RARB: variants seen among roughly 807,000 people sequenced by gnomAD.
RARB encodes the protein HBV-activated protein.
Under a neutral mutation model 51.9 loss-of-function variants are expected in RARB, and 17 were observed. The observed-to-expected ratio is 0.33, with a 90% CI of 0.22 to 0.49. The LOEUF is 0.49. Among genes scored for constraint, RARB ranks in the 20% least tolerant of loss-of-function variants. RARB has a pLI of 0.99. For missense variants in RARB, 369 were observed against 550.8 expected (o/e 0.67, Z 3.30); for synonymous variants, 215 against 195.4 (o/e 1.10, Z -0.84).
chr3:24,935,198 A>G (rs1432138407), intron 2 of RARB, among the ~76,000 whole-genome samples: 1 of 152,184 alleles, frequency 6.6e-6, no homozygotes, highest in Non-Finnish European at 1.5e-5. Flanking sequence ...TTTTAAACAG[A>G]AGTCAAATTG....
chr3:24,955,440 G>A (rs1695992803), intron 2 of RARB, among the ~76,000 whole-genome samples: 3 of 152,124 alleles, frequency 2.0e-5, no homozygotes, highest in South Asian at 4.1e-4. Context: ...ATTTAGGGCT[G>A]TGGTTTCCAG....
At chr3:25,402,834 A>T (rs913155996) in intron 5 of RARB, among the ~76,000 whole-genome samples, 2 of 152,152 alleles carry the variant, frequency 1.3e-5, no homozygotes, top group Non-Finnish European at 2.9e-5. Flanking sequence ...GGGGTGGGGC[A>T]TGAGGATGGT....
At chr3:25,072,236 CTT>C (rs1213453419) in intron 3 of RARB, among the ~76,000 whole-genome samples, 1 of 152,184 alleles carries the variant, frequency 6.6e-6, no homozygotes, top group African/African-American at 2.4e-5. Context: ...CAATTTGAAT[CTT>C]AAAACTGGGC....
chr3:25,469,356 A>G (rs1695587086), intron 2 of RARB, among the ~76,000 whole-genome samples: 1 of 152,236 alleles, frequency 6.6e-6, no homozygotes, highest in African/African-American at 2.4e-5. Context: ...AAACATGAAC[A>G]TGATGCTGTC....
At chr3:25,323,748 A>G (rs894477319) in intron 5 of RARB, among the ~76,000 whole-genome samples, 1 of 152,186 alleles carries the variant, frequency 6.6e-6, no homozygotes, top group African/African-American at 2.4e-5. Context: ...AGAGCTGGAG[A>G]AAAAACATAA....
chr3:25,552,531 C>T (rs1458092949), intron 3 of RARB, among the ~76,000 whole-genome samples: 1 of 152,036 alleles, frequency 6.6e-6, no homozygotes, highest in Admixed American at 6.6e-5. Flanking sequence ...GCCTGCATTC[C>T]AGATATTTCC....
intron 5 of RARB, among the ~76,000 whole-genome samples, chr3:25,421,604 T>G (rs1244965239): frequency 6.6e-6 from 1 of 151,638 alleles, no homozygotes; most frequent in Admixed American, 6.6e-5. Context: ...TAGTAGAGAC[T>G]GGGTTTCACT....
intron 5 of RARB, among the ~76,000 whole-genome samples, chr3:25,359,720 A>G (rs767622263): frequency 2.0e-5 from 3 of 152,086 alleles, no homozygotes; most frequent in Non-Finnish European, 2.9e-5. Context: ...TTCTGCCTCA[A>G]TTTTGTTATT....
chr3:24,997,964 A>G (rs920237473), intron 2 of RARB, among the ~76,000 whole-genome samples: 6 of 152,124 alleles, frequency 3.9e-5, no homozygotes, highest in African/African-American at 1.4e-4. Context: ...TATTTCTTTT[A>G]TCATTATATA....
chr3:25,059,716 G>A (rs900111648), intron 2 of RARB, among the ~76,000 whole-genome samples: 1 of 151,600 alleles, frequency 6.6e-6, no homozygotes, highest in African/African-American at 2.4e-5. Flanking sequence ...AAGAGAATAC[G>A]AGTAATAGAA....
At chr3:24,946,263 C>CAA (rs201010416) in intron 2 of RARB, among the ~76,000 whole-genome samples, 1,260 of 116,438 alleles carry the variant, frequency 0.011, 26 homozygotes, top group African/African-American at 0.034. Context: ...GACTCCATCT[C>CAA]AAAAAAAAAA....
intron 5 of RARB, among the ~76,000 whole-genome samples, chr3:25,367,184 T>G (rs1030281636): frequency 6.6e-6 from 1 of 152,164 alleles, no homozygotes. Flanking sequence ...TGCTTATCAA[T>G]GTTTACTTGA....
chr3:25,418,038 A>G (rs2125504857), intron 5 of RARB, among the ~76,000 whole-genome samples: 1 of 152,288 alleles, frequency 6.6e-6, no homozygotes, highest in South Asian at 2.1e-4. Context: ...GGAAGGGGCA[A>G]GATAGCAAGT....
chr3:25,360,168 G>C (rs1235163564), intron 5 of RARB, among the ~76,000 whole-genome samples: 1 of 152,124 alleles, frequency 6.6e-6, no homozygotes, highest in African/African-American at 2.4e-5. Flanking sequence ...CCTGTATTGG[G>C]TGCATATATA....
chr3:25,002,169 C>A (rs1256709193), intron 2 of RARB, among the ~76,000 whole-genome samples: 2 of 152,154 alleles, frequency 1.3e-5, no homozygotes, highest in East Asian at 3.9e-4. Context: ...AACATTACAA[C>A]ATTCACTTAA....
At chr3:24,999,719 A>G (rs1019462379) in intron 2 of RARB, among the ~76,000 whole-genome samples, 2 of 152,074 alleles carry the variant, frequency 1.3e-5, no homozygotes, top group Non-Finnish European at 2.9e-5. Flanking sequence ...CAAAAGACTT[A>G]ATTCTTCCCT....
At chr3:24,986,217 GAATAA>G (rs1292650602) in intron 2 of RARB, among the ~76,000 whole-genome samples, 1 of 152,082 alleles carries the variant, frequency 6.6e-6, no homozygotes, top group Non-Finnish European at 1.5e-5. Flanking sequence ...ATATGGAGGT[GAATAA>G]AATAGAACTT....
At chr3:25,282,049 G>A (rs1035510352) in intron 5 of RARB, among the ~76,000 whole-genome samples, 3 of 152,194 alleles carry the variant, frequency 2.0e-5, no homozygotes, top group African/African-American at 7.2e-5. Flanking sequence ...AGATAAGAGC[G>A]AGTATAAAAT....
intron 4 of RARB, among the ~76,000 whole-genome samples, chr3:25,572,400 G>A (rs1700745073): frequency 6.6e-6 from 1 of 152,104 alleles, no homozygotes; most frequent in Admixed American, 6.5e-5. Flanking sequence ...TCCTTATGAG[G>A]ACTCTGTGAT....
Sources: gnomAD v4.1 joint callset for allele counts (sites outside exome capture counted in the v4.1 genomes callset) on GRCh38, gnomAD v4.1.1 for gene constraint, MANE v1.5 for transcripts, NCBI Gene and HGNC (gene_info 2026-07-23, HGNC 2026-07-21) for gene names.